Variants in PHACTR1 observed in about 807,000 individuals in gnomAD.
PHACTR1 encodes the protein phosphatase and actin regulator 1, also known as RPEL repeat containing 1.
In PHACTR1, 16 loss-of-function variants were observed where a neutral mutation model predicts 69.2. The ratio of observed to expected loss-of-function variants is 0.23; its 90% CI spans 0.16 to 0.35. The LOEUF is 0.35. PHACTR1 is among the 10% of genes least tolerant of loss of function. The pLI is 1.00. For synonymous variants in PHACTR1, 312 were observed against 284.5 expected, an observed-to-expected ratio of 1.10 and a Z score of -0.97; for missense variants, 510 against 734.7, an observed-to-expected ratio of 0.69 and a Z score of 3.54.
intron 4 of PHACTR1, among the ~76,000 whole-genome samples, chr6:12,756,070 C>T (rs868034585): frequency 6.6e-6 from 1 of 152,112 alleles, no homozygotes; most frequent in Non-Finnish European, 1.5e-5. Flanking sequence ...CATTTTCATA[C>T]GTAGATTCTA....
chr6:12,914,849 T>C (rs769998883), intron 4 of PHACTR1, among the ~76,000 whole-genome samples: 3 of 152,210 alleles, frequency 2.0e-5, no homozygotes, highest in Non-Finnish European at 4.4e-5. Context: ...GGACCCCTCC[T>C]AAGGACTGAG....
chr6:12,797,659 C>T (rs1184979848), intron 4 of PHACTR1, among the ~76,000 whole-genome samples: 1 of 152,050 alleles, frequency 6.6e-6, no homozygotes, highest in Non-Finnish European at 1.5e-5. Context: ...CTCTGGACTG[C>T]CTCACCCACC....
At chr6:12,832,561 G>C (rs768199447) in intron 4 of PHACTR1, among the ~76,000 whole-genome samples, 28 of 151,820 alleles carry the variant, frequency 1.8e-4, no homozygotes, top group Non-Finnish European at 4.1e-4. Flanking sequence ...CTTGGTAACT[G>C]GGACACAAAT....
chr6:12,876,418 C>A (rs1782532952), intron 4 of PHACTR1, among the ~76,000 whole-genome samples: 1 of 152,146 alleles, frequency 6.6e-6, no homozygotes, highest in Non-Finnish European at 1.5e-5. Context: ...AGACAAGAAG[C>A]AGTTAAGAGA....
At chr6:12,907,614 A>G (rs1785887274) in intron 4 of PHACTR1, among the ~76,000 whole-genome samples, 1 of 152,222 alleles carries the variant, frequency 6.6e-6, no homozygotes, top group Non-Finnish European at 1.5e-5. Context: ...TCAGCCTGGT[A>G]CCAAATTCAC....
chr6:12,899,883 C>T (rs895405431), intron 4 of PHACTR1, among the ~76,000 whole-genome samples: 2 of 152,188 alleles, frequency 1.3e-5, no homozygotes, highest in African/African-American at 4.8e-5. Flanking sequence ...CTGTGTCCAT[C>T]CCACTGAGAG....
chr6:12,920,042 G>C (rs1410073921), intron 4 of PHACTR1, among the ~76,000 whole-genome samples: 1 of 152,148 alleles, frequency 6.6e-6, no homozygotes, highest in Non-Finnish European at 1.5e-5. Context: ...TTATCAAAAA[G>C]AGACAGAGAA....
chr6:13,160,254 C>A lies in PHACTR1; in HGVS notation c.466C>A (p.Arg156=). The A allele has an allele frequency of 6.2e-7, 1 of 1,613,660 alleles. No individual in the cohort carries two copies. Among genetic ancestry groups the A allele is most frequent in the Non-Finnish European group, 8.5e-7 (1 of 1,179,702 alleles). Reference sequence around the variant, plus strand: ...GCAAAGCAGAGAAGAGCTGATAAAGCGAGGAGTCCTGAAGGAAATCTATGA... The same window carrying A: ...GCAAAGCAGAGAAGAGCTGATAAAGAGAGGAGTCCTGAAGGAAATCTATGA... ...MRQSREELIK[R]GVLKEIYDKD... Residue 156 remains arginine, a synonymous_variant, in exon 6 of 15, where the codon CGA becomes AGA. Coordinates refer to ENST00000332995, the MANE Select transcript of PHACTR1 (RefSeq NM_030948.6).
chr6:13,236,091 AT>A (rs556107685), intron 10 of PHACTR1, among the ~76,000 whole-genome samples: 343 of 144,000 alleles, frequency 2.4e-3, no homozygotes, highest in Middle Eastern at 7.5e-3. Flanking sequence ...AACTATGGGC[AT>A]TTTTTTTTTT....
intron 4 of PHACTR1, among the ~76,000 whole-genome samples, chr6:12,984,123 CTG>C: frequency 6.6e-6 from 1 of 152,360 alleles, no homozygotes; most frequent in East Asian, 1.9e-4. Flanking sequence ...AATCACCACA[CTG>C]TCTTTCACAA....
chr6:13,201,927 C>T (rs574234863), intron 7 of PHACTR1, among the ~76,000 whole-genome samples: 1 of 152,326 alleles, frequency 6.6e-6, no homozygotes, highest in Admixed American at 6.5e-5. Context: ...TAGCCCTTTT[C>T]TTACTTTTGT....
At chr6:13,017,210 G>GC (rs1800318521) in intron 4 of PHACTR1, among the ~76,000 whole-genome samples, 2 of 100,292 alleles carry the variant, frequency 2.0e-5, no homozygotes, top group African/African-American at 6.0e-5. Flanking sequence ...AAAAAAAAAT[G>GC]CATCAACAAC....
chr6:13,257,631 C>T (rs947364095), intron 10 of PHACTR1, among the ~76,000 whole-genome samples: 1 of 152,190 alleles, frequency 6.6e-6, no homozygotes, highest in African/African-American at 2.4e-5. Context: ...TCACGTTTTC[C>T]CTTGTAGATG....
chr6:13,117,170 C>T (rs533172242), intron 5 of PHACTR1, among the ~76,000 whole-genome samples: 57 of 152,290 alleles, frequency 3.7e-4, no homozygotes, highest in African/African-American at 1.2e-3. Context: ...TGGAAACCTG[C>T]GTCTTTTCCC....
At chr6:13,229,515 G>A (rs967752503) in intron 9 of PHACTR1, among the ~76,000 whole-genome samples, 2 of 151,646 alleles carry the variant, frequency 1.3e-5, no homozygotes, top group Non-Finnish European at 2.9e-5. Flanking sequence ...CACTTTGTCC[G>A]CCTACCTTTT....
intron 4 of PHACTR1, among the ~76,000 whole-genome samples, chr6:12,787,193 T>G (rs1456780541): frequency 6.6e-6 from 1 of 152,236 alleles, no homozygotes; most frequent in Non-Finnish European, 1.5e-5. Context: ...GGATCAGGGT[T>G]GGCTGCTAAC....
chr6:13,082,825 T>C (rs1022917261), intron 5 of PHACTR1, among the ~76,000 whole-genome samples: 4 of 152,204 alleles, frequency 2.6e-5, no homozygotes, highest in African/African-American at 9.7e-5. Context: ...TTTGAGTTCA[T>C]TGTAGATTCT....
intron 3 of PHACTR1, among the ~76,000 whole-genome samples, chr6:12,725,150 C>T (rs1762619800): frequency 1.3e-5 from 2 of 152,190 alleles, no homozygotes; most frequent in South Asian, 4.1e-4. Flanking sequence ...AACCCCGTCT[C>T]TCCCCTCACG....
chr6:12,966,389 G>A (rs894149597), intron 4 of PHACTR1, among the ~76,000 whole-genome samples: 1 of 152,170 alleles, frequency 6.6e-6, no homozygotes, highest in Non-Finnish European at 1.5e-5. Context: ...AAAGTAACTT[G>A]TCCCTGGACA....
Sources: gnomAD v4.1 joint callset for allele counts (sites outside exome capture counted in the v4.1 genomes callset) on GRCh38, gnomAD v4.1.1 for gene constraint, MANE v1.5 for transcripts, NCBI Gene and HGNC (gene_info 2026-07-23, HGNC 2026-07-21) for gene names.